The following PAPPA variants were observed in gnomAD, a reference collection of about 807,000 sequenced individuals.
PAPPA encodes the protein pappalysin-1.
PAPPA carries 60 observed loss-of-function variants against 164.0 expected under a neutral mutation model. That is an observed-to-expected ratio of 0.37 (90% CI 0.30 to 0.45). PAPPA has a LOEUF of 0.45. PAPPA is among the 20% of genes least tolerant of loss of function. The pLI, the probability that PAPPA is intolerant of heterozygous loss-of-function variation, is 1.00. For missense variants in PAPPA, 1,782 were observed against 2,087.3 expected (o/e 0.85, Z 2.85); for synonymous variants, 875 against 814.1 (o/e 1.07, Z -1.27).
At chr9:116,394,650 T>C (rs1564255163) in intron 21 of PAPPA, among the ~76,000 whole-genome samples, 3 of 152,208 alleles carry the variant, frequency 2.0e-5, no homozygotes, top group Non-Finnish European at 2.9e-5. Flanking sequence ...TTCTAGATTC[T>C]AGATGGAATA....
At chr9:116,162,438 G>A (rs1046680613) in intron 1 of PAPPA, among the ~76,000 whole-genome samples, 1 of 152,146 alleles carries the variant, frequency 6.6e-6, no homozygotes, top group African/African-American at 2.4e-5. Flanking sequence ...GCCTTCTAGA[G>A]GCCTGGGGCA....
At chr9:116,170,931 A>C (rs1382512295) in intron 1 of PAPPA, among the ~76,000 whole-genome samples, 1 of 152,040 alleles carries the variant, frequency 6.6e-6, no homozygotes, top group African/African-American at 2.4e-5. Flanking sequence ...ATGCTTCCAC[A>C]TAGTAGAGTG....
chr9:116,189,779 G>T (rs1223230027), intron 2 of PAPPA, among the ~76,000 whole-genome samples: 1 of 152,204 alleles, frequency 6.6e-6, no homozygotes, highest in East Asian at 1.9e-4. Context: ...GCCGACCTCT[G>T]CAGGTTTTCT....
At chr9:116,233,972 G>A (rs979530102) in intron 6 of PAPPA, among the ~76,000 whole-genome samples, 1 of 152,022 alleles carries the variant, frequency 6.6e-6, no homozygotes, top group Non-Finnish European at 1.5e-5. Context: ...GGGAATTTGA[G>A]CCTGCAATGA....
At position 116,270,149 on chromosome 9, in the gene PAPPA, C is replaced by T. The variant is rs374879435; in HGVS notation, c.2862-1176C>T. ...CACACACTCTGCAGAGACCTCCCAA[C>T]GCAAAGTGGGAATGGGGACTGTGAT... On this transcript the variant is annotated intron_variant, in intron 8 of 21. Coordinates refer to ENST00000328252, the MANE Select transcript of PAPPA (RefSeq NM_002581.5). Among the ~76,000 whole-genome samples, 52 of 152,332 alleles carry T rather than the reference C, an allele frequency of 3.4e-4. 2 individuals carry two copies. The East Asian group carries it at 5.2e-3, about 15-fold the overall frequency.
intron 15 of PAPPA, 119 bp from the exon 16 acceptor site, chr9:116,352,587 G>A (rs1449139002): frequency 3.9e-6 from 3 of 774,008 alleles, no homozygotes; most frequent in East Asian, 2.6e-5. Flanking sequence ...AGAAGGGGTT[G>A]GAATTCCACA....
rs1028897361 is a variant in PAPPA, at chr9:116,344,199, G to C, written c.3612-344G>C. On this transcript the variant is annotated intron_variant, in intron 13 of 21. Coordinates refer to ENST00000328252, the MANE Select transcript of PAPPA (RefSeq NM_002581.5). Reference sequence around the variant, plus strand: ...TAGAAAAAGGCTTTTGCTCAACCTGGTGCCTGGTAGAAAAATGCAATAAAT... The same window carrying C: ...TAGAAAAAGGCTTTTGCTCAACCTGCTGCCTGGTAGAAAAATGCAATAAAT... Among the ~76,000 whole-genome samples, 20 of 152,290 alleles carry C rather than the reference G, an allele frequency of 1.3e-4. 1 individual carries two copies. The South Asian group carries it at 3.9e-3, about 30-fold the overall frequency.
rs146499366 is a variant in PAPPA at position 116,276,285 on chromosome 9, G to T, written c.2953+4869G>T. Reference sequence around the variant, plus strand: ...AAAATGTGAAGGGTCCCCAAAAGGGGTTATACTGTGTAATATATCTTTAGC... The same window carrying T: ...AAAATGTGAAGGGTCCCCAAAAGGGTTTATACTGTGTAATATATCTTTAGC... On this transcript the variant is annotated intron_variant, in intron 9 of 21. Coordinates refer to ENST00000328252, the MANE Select transcript of PAPPA (RefSeq NM_002581.5). Among the ~76,000 whole-genome samples the T allele has an allele frequency of 3.2e-3, 489 of 152,310 alleles. 3 individuals carry two copies. Among genetic ancestry groups the T allele is most frequent in the African/African-American group, 0.011 (462 of 41,572 alleles).
At chr9:116,327,625 C>A (rs1845937425) in intron 10 of PAPPA, among the ~76,000 whole-genome samples, 1 of 152,062 alleles carries the variant, frequency 6.6e-6, no homozygotes, top group Non-Finnish European at 1.5e-5. Flanking sequence ...ACAGAGCATC[C>A]CCATAAAATC....
At chr9:116,303,319 T>A (rs577009207) in intron 10 of PAPPA, among the ~76,000 whole-genome samples, 1 of 152,330 alleles carries the variant, frequency 6.6e-6, no homozygotes, top group South Asian at 2.1e-4. Flanking sequence ...ACAGTAATTA[T>A]ACAGTAATTT....
At chr9:116,179,229 A>G (rs544599068) in intron 1 of PAPPA, among the ~76,000 whole-genome samples, 15 of 152,160 alleles carry the variant, frequency 9.9e-5, no homozygotes, top group African/African-American at 1.4e-4. Flanking sequence ...AGGTGAACAG[A>G]CCCATTTAGT....
At position 116,350,798 on chromosome 9, in the gene PAPPA, G is replaced by C. The variant is rs559630617; in HGVS notation, c.3965-1908G>C. Among the ~76,000 whole-genome samples the C allele has an allele frequency of 1.5e-4, 23 of 152,284 alleles. No individual in the cohort carries two copies. In the East Asian group the frequency reaches 4.3e-3, roughly 28 times the overall value. ...AAAAGAAGTTTGTAGACACTGACTGGTATTCTGGACGCTTCTATGCTTCTA... is the reference window on the plus strand; with the variant it reads ...AAAAGAAGTTTGTAGACACTGACTGCTATTCTGGACGCTTCTATGCTTCTA... On this transcript the variant is annotated intron_variant, in intron 15 of 21. Coordinates refer to ENST00000328252, the MANE Select transcript of PAPPA (RefSeq NM_002581.5).
At chr9:116,335,706 C>T (rs564456572) in intron 13 of PAPPA, among the ~76,000 whole-genome samples, 12 of 152,258 alleles carry the variant, frequency 7.9e-5, no homozygotes, top group Admixed American at 3.3e-4. Flanking sequence ...GAAAAGAATA[C>T]GAGCTTTGGG....
intron 21 of PAPPA, among the ~76,000 whole-genome samples, chr9:116,383,780 T>G (rs1481438636): frequency 1.3e-5 from 2 of 152,184 alleles, no homozygotes; most frequent in Admixed American, 6.5e-5. Context: ...TGCCTACCCT[T>G]CTTTGGTTTC....
At chr9:116,191,361 C>A (rs1331680649) in intron 2 of PAPPA, among the ~76,000 whole-genome samples, 3 of 152,178 alleles carry the variant, frequency 2.0e-5, no homozygotes, top group Admixed American at 2.0e-4. Context: ...GATTACAGTT[C>A]TGGTGGAGAC....
chr9:116,283,123 C>G (rs939724394), intron 9 of PAPPA, among the ~76,000 whole-genome samples: 2 of 152,194 alleles, frequency 1.3e-5, no homozygotes, highest in Admixed American at 6.5e-5. Flanking sequence ...GTCCTGCAAT[C>G]AGCCTAAAAT....
At chr9:116,241,769 G>A (rs906949799) in intron 7 of PAPPA, among the ~76,000 whole-genome samples, 2 of 152,138 alleles carry the variant, frequency 1.3e-5, no homozygotes, top group Non-Finnish European at 2.9e-5. Context: ...AAGCCTCAGA[G>A]GATTTGGAAA....
chr9:116,179,203 A>G (rs985724248), intron 1 of PAPPA, among the ~76,000 whole-genome samples: 13 of 152,212 alleles, frequency 8.5e-5, no homozygotes, highest in African/African-American at 3.1e-4. Flanking sequence ...GTCTGATGTC[A>G]CACAGCTAGT....
At chr9:116,197,310 G>A (rs927507473) in intron 2 of PAPPA, among the ~76,000 whole-genome samples, 1 of 152,130 alleles carries the variant, frequency 6.6e-6, no homozygotes, top group South Asian at 2.1e-4. Flanking sequence ...GACGCCAAGG[G>A]ATATAAGAGA....
Sources: gnomAD v4.1 joint callset for allele counts (sites outside exome capture counted in the v4.1 genomes callset) on GRCh38, gnomAD v4.1.1 for gene constraint, MANE v1.5 for transcripts, NCBI Gene and HGNC (gene_info 2026-07-23, HGNC 2026-07-21) for gene names.